Variants in HPSE2 observed in about 807,000 individuals in gnomAD.
HPSE2 encodes heparanase 2 (inactive), also known as inactive heparanase-2.
HPSE2 carries 38 observed loss-of-function variants against 60.5 expected under a neutral mutation model. The observed-to-expected ratio is 0.63, with a 90% confidence interval of 0.48 to 0.82. The LOEUF is 0.82. Ranked by LOEUF, HPSE2 falls within the 40% of genes least tolerant of loss-of-function variation. The probability of loss-of-function intolerance (pLI) is 0.00; values close to 1 mark genes in which losing one functional copy is unlikely to be tolerated. For synonymous variants in HPSE2, 295 were observed against 293.2 expected, an observed-to-expected ratio of 1.01 and a Z score of -0.06; for missense variants, 713 against 740.4, an observed-to-expected ratio of 0.96 and a Z score of 0.43.
At chr10:98,804,856 C>G (rs1318237046) in intron 3 of HPSE2, among the ~76,000 whole-genome samples, 2 of 152,060 alleles carry the variant, frequency 1.3e-5, no homozygotes, top group Non-Finnish European at 2.9e-5. Context: ...GCACTGTTCA[C>G]AAAAGCCAAG....
chr10:98,732,655 G>A (rs1009112596), intron 4 of HPSE2, among the ~76,000 whole-genome samples: 5 of 152,082 alleles, frequency 3.3e-5, no homozygotes, highest in African/African-American at 1.2e-4. Flanking sequence ...AGGGCCAAAT[G>A]TAAGAGCTAA....
intron 3 of HPSE2, among the ~76,000 whole-genome samples, chr10:99,054,766 A>G (rs1000703499): frequency 6.6e-6 from 1 of 152,188 alleles, no homozygotes; most frequent in Non-Finnish European, 1.5e-5. Flanking sequence ...GCTGGAGTGC[A>G]GTTGTGTAAT....
intron 3 of HPSE2, among the ~76,000 whole-genome samples, chr10:99,130,562 C>T (rs1183937128): frequency 2.6e-5 from 4 of 152,118 alleles, no homozygotes; most frequent in Admixed American, 2.0e-4. Context: ...AACCAAGAGA[C>T]GGCTAACGCT....
intron 3 of HPSE2, among the ~76,000 whole-genome samples, chr10:99,114,841 G>A (rs1309590905): frequency 6.7e-6 from 1 of 149,458 alleles, no homozygotes. Context: ...GTGAACCCGG[G>A]AGGCAGAGCT....
chr10:98,743,809 T>G, intron 4 of HPSE2, 74 bp downstream of exon 4: 4 of 1,343,864 alleles, frequency 3.0e-6, no homozygotes, highest in African/African-American at 1.4e-5. Flanking sequence ...ATGGTCTGAT[T>G]GAGACTGTAT....
At chr10:98,489,931 T>C (rs779515271) in intron 10 of HPSE2, 120 bp downstream of exon 10, 7 of 1,127,890 alleles carry the variant, frequency 6.2e-6, no homozygotes, top group Non-Finnish European at 9.5e-6. Flanking sequence ...GGTATGGTGA[T>C]TCCAGAGGCA....
intron 11 of HPSE2, among the ~76,000 whole-genome samples, chr10:98,465,329 T>G (rs1176755539): frequency 6.6e-6 from 1 of 152,224 alleles, no homozygotes; most frequent in African/African-American, 2.4e-5. Flanking sequence ...AGGCAGGTGT[T>G]AGCATTCCTG....
the HPSE2 span, among the ~76,000 whole-genome samples, chr10:99,273,733 T>C: frequency 1.3e-5 from 2 of 152,228 alleles, no homozygotes; most frequent in African/African-American, 2.4e-5. Flanking sequence ...AGATGGATGA[T>C]GGATGGAAAG....
chr10:99,088,566 G>A (rs561354119), intron 3 of HPSE2, among the ~76,000 whole-genome samples: 4 of 152,122 alleles, frequency 2.6e-5, no homozygotes, highest in South Asian at 4.2e-4. Flanking sequence ...AGTATTCTAT[G>A]GTGTATATAT....
chr10:98,618,586 C>T (rs1439286859), intron 8 of HPSE2, among the ~76,000 whole-genome samples: 1 of 151,804 alleles, frequency 6.6e-6, no homozygotes, highest in Non-Finnish European at 1.5e-5. Flanking sequence ...GGGGTTTTAT[C>T]TGGGGGGCAT....
At chr10:98,848,988 T>C (rs573435979) in intron 3 of HPSE2, among the ~76,000 whole-genome samples, 1 of 151,616 alleles carries the variant, frequency 6.6e-6, no homozygotes, top group Admixed American at 6.6e-5. Flanking sequence ...ACTTTGCAAT[T>C]CCAACGCCCA....
At chr10:98,491,359 C>A (rs958598784) in intron 9 of HPSE2, among the ~76,000 whole-genome samples, 18 of 152,258 alleles carry the variant, frequency 1.2e-4, no homozygotes, top group South Asian at 6.2e-4. Flanking sequence ...CATGCACAAC[C>A]ATTTACTTTA....
At chr10:99,265,899 G>C in the HPSE2 span, among the ~76,000 whole-genome samples, 2 of 152,196 alleles carry the variant, frequency 1.3e-5, no homozygotes, top group East Asian at 3.8e-4. Context: ...AGAAGGATTT[G>C]ACCTTACCTG....
At chr10:98,639,340 A>C (rs545282258) in intron 7 of HPSE2, among the ~76,000 whole-genome samples, 27 of 152,254 alleles carry the variant, frequency 1.8e-4, no homozygotes, top group South Asian at 4.2e-4. Context: ...TATGCTACTA[A>C]GTTTTGGGGT....
At chr10:98,964,874 CTT>C (rs1254014820) in intron 3 of HPSE2, among the ~76,000 whole-genome samples, 1 of 152,126 alleles carries the variant, frequency 6.6e-6, no homozygotes, top group Non-Finnish European at 1.5e-5. Context: ...CCTGATTTAT[CTT>C]TCTCTCTTAA....
chr10:98,888,402 A>G (rs936949994), intron 3 of HPSE2, among the ~76,000 whole-genome samples: 1 of 152,176 alleles, frequency 6.6e-6, no homozygotes, highest in African/African-American at 2.4e-5. Flanking sequence ...TAAAAACATA[A>G]TAATTATAAT....
At chr10:99,210,386 T>A (rs1284860617) in intron 2 of HPSE2, among the ~76,000 whole-genome samples, 1 of 152,164 alleles carries the variant, frequency 6.6e-6, no homozygotes, top group Non-Finnish European at 1.5e-5. Context: ...TTCCAAAAAA[T>A]TGAAGAAGAG....
chr10:98,538,601 C>G (rs1943362278), intron 9 of HPSE2, among the ~76,000 whole-genome samples: 1 of 151,964 alleles, frequency 6.6e-6, no homozygotes, highest in Non-Finnish European at 1.5e-5. Context: ...TTAAAAAATA[C>G]TGATAAATGG....
At chr10:99,117,417 GAAAAA>G (rs1157232317) in intron 3 of HPSE2, among the ~76,000 whole-genome samples, 3 of 24,812 alleles carry the variant, frequency 1.2e-4, no homozygotes, top group East Asian at 1.7e-3. Context: ...TTGTTTTTTT[GAAAAA>G]AAAAAAAAAA....
Sources: allele counts gnomAD v4.1 joint callset (sites outside exome capture counted in the v4.1 genomes callset), GRCh38; gene constraint gnomAD v4.1.1; transcripts MANE v1.5; gene names NCBI Gene and HGNC (gene_info 2026-07-23, HGNC 2026-07-21).